The following STARD13 variants were observed in gnomAD, a reference collection of about 807,000 sequenced individuals.
STARD13 encodes StAR related lipid transfer domain containing 13.
Under a neutral mutation model 106.4 loss-of-function variants are expected in STARD13, and 62 were observed. That is an observed-to-expected ratio of 0.58 (90% CI 0.48 to 0.72). STARD13 has a LOEUF of 0.72. Among genes scored for constraint, STARD13 ranks in the 30% least tolerant of loss-of-function variants. The pLI is 0.00. For missense variants in STARD13, 1,387 were observed against 1,424.0 expected, an observed-to-expected ratio of 0.97 and a Z score of 0.42; for synonymous variants, 565 against 553.0, an observed-to-expected ratio of 1.02 and a Z score of -0.31.
At chr13:33,527,621 A>G in the STARD13 span, among the ~76,000 whole-genome samples, 1 of 152,068 alleles carries the variant, frequency 6.6e-6, no homozygotes, top group African/African-American at 2.4e-5. Context: ...AGCCAGGAGA[A>G]ATAAAGAGTT....
the STARD13 span, among the ~76,000 whole-genome samples, chr13:33,516,312 A>G: frequency 6.6e-6 from 1 of 150,798 alleles, no homozygotes; most frequent in Non-Finnish European, 1.5e-5. Flanking sequence ...TATTACTGAA[A>G]CCCAGGGCAA....
rs145206874 is a variant in STARD13, at chr13:33,138,915, C to A, written c.387+3395G>T. On this transcript the variant is annotated intron_variant, in intron 4 of 13. Transcript: ENST00000336934. ...TGGGAGGGTAGCGGTGTTGTCATTT[C>A]TCCCAGTGCTTTGGAAGTGGCATTT... The A allele has an allele frequency of 4.9e-4, 225 of 457,522 alleles. 1 individual carries two copies. The highest frequency in any genetic ancestry group is 3.8e-3 in the African/African-American group (193 of 50,512). The allele number at this position is 457,522 out of a possible 1,614,324, so 28.3% of individuals were successfully genotyped here.
At chr13:33,254,613 C>T (rs1039775430) in intron 1 of STARD13, among the ~76,000 whole-genome samples, 3 of 152,174 alleles carry the variant, frequency 2.0e-5, no homozygotes, top group South Asian at 2.1e-4. Context: ...GCCCCCCTAT[C>T]CTGTACCCAT....
chr13:33,230,634 T>C (rs1349002828), intron 1 of STARD13, among the ~76,000 whole-genome samples: 1 of 152,278 alleles, frequency 6.6e-6, no homozygotes, highest in Non-Finnish European at 1.5e-5. Context: ...TCTCTTTTGC[T>C]GAAATCTCAG....
At chr13:33,642,781 TG>T in the STARD13 span, among the ~76,000 whole-genome samples, 3 of 144,064 alleles carry the variant, frequency 2.1e-5, no homozygotes, top group South Asian at 6.7e-4. Flanking sequence ...CGGATGACAG[TG>T]GGGGCTGTGA....
intron 1 of STARD13, among the ~76,000 whole-genome samples, chr13:33,263,883 A>G (rs1890765363): frequency 6.6e-6 from 1 of 152,214 alleles, no homozygotes; most frequent in Admixed American, 6.5e-5. Context: ...CCGATTGAAT[A>G]ATGGGTCTGC....
chr13:33,299,987 C>A (rs1892649673), intron 1 of STARD13, among the ~76,000 whole-genome samples: 1 of 152,178 alleles, frequency 6.6e-6, no homozygotes, highest in African/African-American at 2.4e-5. Flanking sequence ...TTCATCAGAT[C>A]TTCAAAGGAT....
chr13:33,559,268 T>C, the STARD13 span, among the ~76,000 whole-genome samples: 1 of 151,676 alleles, frequency 6.6e-6, no homozygotes, highest in African/African-American at 2.4e-5. Flanking sequence ...TATGTTTTGT[T>C]TTCCCAAAAG....
At chr13:33,169,932 T>C (rs1351780125) in intron 1 of STARD13, among the ~76,000 whole-genome samples, 1 of 152,120 alleles carries the variant, frequency 6.6e-6, no homozygotes, top group African/African-American at 2.4e-5. Context: ...TTCACTAATT[T>C]GTGGGATCTA....
At chr13:33,134,474 AG>A (rs1878791309) in intron 4 of STARD13, among the ~76,000 whole-genome samples, 1 of 152,208 alleles carries the variant, frequency 6.6e-6, no homozygotes, top group Admixed American at 6.5e-5. Flanking sequence ...AAATAACTGA[AG>A]GAAGCATGTC....
the STARD13 span, among the ~76,000 whole-genome samples, chr13:33,627,965 C>CTTTTTT: frequency 1.4e-5 from 2 of 147,224 alleles, no homozygotes; most frequent in African/African-American, 2.6e-5. Flanking sequence ...TCTTTTTTTT[C>CTTTTTT]TTTCTTTTTT....
chr13:33,165,439 A>T, intron 2 of STARD13, 21 bp from the exon 3 acceptor site: 3 of 1,585,486 alleles, frequency 1.9e-6, no homozygotes, highest in Non-Finnish European at 2.6e-6. Context: ...AAGACAAAGA[A>T]GTTGATGTAC....
intron 1 of STARD13, among the ~76,000 whole-genome samples, chr13:33,174,915 C>T (rs74045701): frequency 0.093 from 14,196 of 152,214 alleles, 777 homozygotes; most frequent in East Asian, 0.21. Flanking sequence ...TGTAAACAAT[C>T]CTCACATGCA....
At chr13:33,412,967 A>G in the STARD13 span, among the ~76,000 whole-genome samples, 1 of 152,234 alleles carries the variant, frequency 6.6e-6, no homozygotes, top group South Asian at 2.1e-4. Flanking sequence ...TATAATTAAT[A>G]TTTATAGAAC....
chr13:33,580,141 C>T, the STARD13 span, among the ~76,000 whole-genome samples: 1 of 151,936 alleles, frequency 6.6e-6, no homozygotes, highest in African/African-American at 2.4e-5. Context: ...TTCAGAATTA[C>T]CAAAACTTGG....
At chr13:33,402,847 C>G in the STARD13 span, among the ~76,000 whole-genome samples, 68 of 152,354 alleles carry the variant, frequency 4.5e-4, no homozygotes, top group African/African-American at 1.4e-3. Flanking sequence ...TCCTCCCACT[C>G]CATCCCCACT....
chr13:33,388,150 G>A, the STARD13 span, among the ~76,000 whole-genome samples: 1 of 152,208 alleles, frequency 6.6e-6, no homozygotes, highest in South Asian at 2.1e-4. Context: ...AAAATTAGGA[G>A]GCGAGCAGAG....
At chr13:33,621,174 T>G in the STARD13 span, among the ~76,000 whole-genome samples, 2 of 151,838 alleles carry the variant, frequency 1.3e-5, no homozygotes, top group Admixed American at 1.3e-4. Context: ...ATTAATAAAG[T>G]CAAACAGTTT....
At chr13:33,247,963 C>T (rs1166866182) in intron 1 of STARD13, among the ~76,000 whole-genome samples, 5 of 152,122 alleles carry the variant, frequency 3.3e-5, no homozygotes, top group African/African-American at 1.2e-4. Flanking sequence ...GGGTGATTTA[C>T]CTCATCTTCT....
Sources: gnomAD v4.1 joint callset for allele counts (sites outside exome capture counted in the v4.1 genomes callset) on GRCh38, gnomAD v4.1.1 for gene constraint, MANE v1.5 for transcripts, NCBI Gene and HGNC (gene_info 2026-07-23, HGNC 2026-07-21) for gene names.